ZFAT: variants seen among roughly 807,000 people sequenced by gnomAD.
ZFAT encodes the protein zinc finger protein ZFAT.
Under a neutral mutation model 117.7 loss-of-function variants are expected in ZFAT, and 64 were observed. The ratio of observed to expected loss-of-function variants is 0.54; its 90% confidence interval spans 0.44 to 0.67. ZFAT has a LOEUF of 0.67. ZFAT is among the 30% of genes least tolerant of loss of function. The pLI is 0.00. For synonymous variants in ZFAT, 679 were observed against 615.0 expected, an observed-to-expected ratio of 1.10 and a Z score of -1.54; for missense variants, 1,433 against 1,584.5, an observed-to-expected ratio of 0.90 and a Z score of 1.62.
chr8:134,503,892 G>A (rs1329128112), intron 15 of ZFAT, among the ~76,000 whole-genome samples: 2 of 151,962 alleles, frequency 1.3e-5, no homozygotes, highest in South Asian at 2.1e-4. Context: ...AGTCACATCA[G>A]CCAATTCCTT....
the ZFAT span, among the ~76,000 whole-genome samples, chr8:134,743,749 G>A: frequency 6.6e-6 from 1 of 152,110 alleles, no homozygotes; most frequent in Non-Finnish European, 1.5e-5. Flanking sequence ...AGAAGCGTCT[G>A]TCTCTCCTCA....
At chr8:134,775,254 C>A in the ZFAT span, among the ~76,000 whole-genome samples, 1 of 152,152 alleles carries the variant, frequency 6.6e-6, no homozygotes, top group African/African-American at 2.4e-5. Context: ...GTCTTGTCCC[C>A]TTAGGGCCTG....
chr8:134,721,285 C>T, the ZFAT span, among the ~76,000 whole-genome samples: 7 of 152,308 alleles, frequency 4.6e-5, no homozygotes, highest in East Asian at 3.9e-4. Context: ...GCTGAGCACC[C>T]GGGCCCGATG....
the ZFAT span, among the ~76,000 whole-genome samples, chr8:134,824,319 T>C: frequency 2.6e-5 from 4 of 152,136 alleles, no homozygotes; most frequent in Non-Finnish European, 4.4e-5. Context: ...AGAATAAAGT[T>C]GGAGCTAGGG....
At chr8:134,613,405 G>A (rs542029233) in intron 3 of ZFAT, among the ~76,000 whole-genome samples, 1 of 152,326 alleles carries the variant, frequency 6.6e-6, no homozygotes, top group Admixed American at 6.5e-5. Flanking sequence ...GGAACACACT[G>A]CAGAACCGGG....
intron 3 of ZFAT, among the ~76,000 whole-genome samples, chr8:134,629,210 T>C (rs1020507580): frequency 6.6e-6 from 1 of 152,092 alleles, no homozygotes; most frequent in Admixed American, 6.5e-5. Context: ...AGGAGGATCA[T>C]CAGTTGGGAG....
chr8:134,657,754 G>T lies in ZFAT; in HGVS notation c.20-17C>A, dbSNP rs758861399. ...CCGTGTTTTCTGTAAGGAAAAAAAA[G>T]GAAAATATGTTATTTCATCTCCACA... is the stretch of plus-strand genomic sequence containing the variant. On this transcript the variant is annotated splice_polypyrimidine_tract_variant and intron_variant, in intron 1 of 15. Transcript: ENST00000377838. 2.8e-5 allele frequency: 45 copies of T among 1,605,910 alleles called. No individual in the cohort carries two copies. Among genetic ancestry groups the T allele is most frequent in the Non-Finnish European group, 3.4e-5 (40 of 1,175,898 alleles).
At chr8:134,521,376 A>G (rs1012324302) in intron 12 of ZFAT, among the ~76,000 whole-genome samples, 3 of 152,218 alleles carry the variant, frequency 2.0e-5, no homozygotes, top group African/African-American at 7.2e-5. Context: ...GAAAACGAGA[A>G]CAATGGAAAG....
rs117113632 is a variant in ZFAT at position 134,537,169 on chromosome 8, T to C, written c.2977-4197A>G. ...CTATAAGTCTCACATCAAGCTCATA[T>C]GGTACGTGCAATTATTATCCTCATT... On this transcript the variant is annotated intron_variant, in intron 11 of 15. Transcript: ENST00000377838. Among the ~76,000 whole-genome samples, 1,498 of 152,370 alleles carry C rather than the reference T, an allele frequency of 9.8e-3. 10 individuals carry two copies. The highest frequency in any genetic ancestry group is 0.016 in the Non-Finnish European group (1,110 of 68,038).
chr8:134,596,648 C>T (rs1171699781), intron 7 of ZFAT, among the ~76,000 whole-genome samples: 3 of 151,958 alleles, frequency 2.0e-5, no homozygotes, highest in Non-Finnish European at 4.4e-5. Flanking sequence ...GAAATTACCA[C>T]TAAAAAAATG....
intron 2 of ZFAT, among the ~76,000 whole-genome samples, chr8:134,653,280 AAAAAAAAAAAAC>A (rs1298699448): frequency 1.2e-4 from 15 of 127,686 alleles, no homozygotes; most frequent in Non-Finnish European, 1.5e-4. Flanking sequence ...TAAAAAAAAA[AAAAAAAAAAAAC>A]AAAAAACAGG....
chr8:134,653,056 G>C (rs1227007151), intron 2 of ZFAT, among the ~76,000 whole-genome samples: 1 of 151,388 alleles, frequency 6.6e-6, no homozygotes, highest in African/African-American at 2.4e-5. Context: ...ATCCATAGAA[G>C]TAAATACCAT....
chr8:134,482,499 C>T (rs3936152), intron 15 of ZFAT, among the ~76,000 whole-genome samples: 78,232 of 152,074 alleles, frequency 0.51, 20,880 homozygotes, highest in Non-Finnish European at 0.6. Flanking sequence ...AAAACTTGCC[C>T]AACATGAGAA....
chr8:134,746,119 G>A, the ZFAT span, among the ~76,000 whole-genome samples: 102 of 152,156 alleles, frequency 6.7e-4, 2 homozygotes, highest in South Asian at 0.015. Context: ...TCTCAATTCC[G>A]CTCTTTGCAG....
At chr8:134,701,272 T>C (rs1834000854) in intron 1 of ZFAT, among the ~76,000 whole-genome samples, 1 of 152,226 alleles carries the variant, frequency 6.6e-6, no homozygotes, top group African/African-American at 2.4e-5. Context: ...AATCATTTGG[T>C]AATTGTCTTT....
chr8:134,713,276 G>T (rs1814104349), upstream of ZFAT, among the ~76,000 whole-genome samples: 1 of 152,234 alleles, frequency 6.6e-6, no homozygotes, highest in Non-Finnish European at 1.5e-5. Context: ...TGGCGGTTGT[G>T]CCAGGCCTCT....
chr8:134,526,098 T>C (rs142306173), intron 12 of ZFAT, among the ~76,000 whole-genome samples: 4 of 152,314 alleles, frequency 2.6e-5, no homozygotes, highest in African/African-American at 9.6e-5. Context: ...AGACTTAATA[T>C]GTGATGATGA....
At chr8:134,671,827 G>C (rs534702948) in intron 1 of ZFAT, among the ~76,000 whole-genome samples, 2 of 152,326 alleles carry the variant, frequency 1.3e-5, no homozygotes, top group East Asian at 3.9e-4. Context: ...CCTGTTTGCA[G>C]ATGACATGAT....
At chr8:134,536,933 C>A (rs548979410) in intron 11 of ZFAT, among the ~76,000 whole-genome samples, 13 of 152,268 alleles carry the variant, frequency 8.5e-5, no homozygotes, top group African/African-American at 3.1e-4. Flanking sequence ...TAAACTGGCT[C>A]CACAGCTCAT....
Sources: allele counts gnomAD v4.1 joint callset (sites outside exome capture counted in the v4.1 genomes callset), GRCh38; gene constraint gnomAD v4.1.1; transcripts MANE v1.5; gene names NCBI Gene and HGNC (gene_info 2026-07-23, HGNC 2026-07-21).